Variants in CEMIP2 observed in about 807,000 individuals in gnomAD.
CEMIP2 encodes cell migration inducing hyaluronidase 2.
In CEMIP2, 79 loss-of-function variants were observed where a neutral mutation model predicts 146.9. That is an observed-to-expected ratio of 0.54 (90% CI 0.45 to 0.65). The LOEUF is 0.65. CEMIP2 is among the 30% of genes least tolerant of loss of function. The pLI is 0.00. For missense variants in CEMIP2, 1,596 were observed against 1,696.2 expected (o/e 0.94, Z 1.04); for synonymous variants, 601 against 606.3 (o/e 0.99, Z 0.13).
At chr9:71,695,364 TA>T (rs1441654262) in intron 20 of CEMIP2, among the ~76,000 whole-genome samples, 1 of 152,132 alleles carries the variant, frequency 6.6e-6, no homozygotes, top group Non-Finnish European at 1.5e-5. Context: ...AAACCAATGT[TA>T]AAAACTTCCC....
At chr9:71,744,495 T>C (rs555048404) in intron 4 of CEMIP2, among the ~76,000 whole-genome samples, 1 of 152,272 alleles carries the variant, frequency 6.6e-6, no homozygotes, top group South Asian at 2.1e-4. Flanking sequence ...CAGGGGTCCA[T>C]AGACCTGTGC....
intron 1 of CEMIP2, among the ~76,000 whole-genome samples, chr9:71,763,478 A>G (rs1824698940): frequency 6.6e-6 from 1 of 152,190 alleles, no homozygotes; most frequent in African/African-American, 2.4e-5. Flanking sequence ...CAACTCTTTC[A>G]GGCAACAACA....
At chr9:71,741,631 G>GTTTTTTTTTT (rs11334265) in intron 4 of CEMIP2, among the ~76,000 whole-genome samples, 31 of 73,166 alleles carry the variant, frequency 4.2e-4, no homozygotes, top group Non-Finnish European at 6.2e-4. Flanking sequence ...TTCTTTTCTG[G>GTTTTTTTTTT]TTTTTTTTTT....
chr9:71,741,445 C>T (rs894328924), intron 4 of CEMIP2, among the ~76,000 whole-genome samples: 1 of 151,720 alleles, frequency 6.6e-6, no homozygotes, highest in Non-Finnish European at 1.5e-5. Flanking sequence ...GATCAGCCTG[C>T]CTCGGCCTCC....
intron 1 of CEMIP2, among the ~76,000 whole-genome samples, chr9:71,762,775 C>A (rs1480606864): frequency 6.6e-6 from 1 of 152,138 alleles, no homozygotes; most frequent in East Asian, 1.9e-4. Flanking sequence ...CTTTAGGAGA[C>A]TGAGGTGGGA....
intron 12 of CEMIP2, among the ~76,000 whole-genome samples, 181 bp from the exon 13 acceptor site, chr9:71,718,260 A>C (rs983351605): frequency 1.3e-5 from 2 of 152,212 alleles, no homozygotes; most frequent in South Asian, 2.1e-4. Flanking sequence ...TTTAACCACA[A>C]GTTTCCAGAG....
chr9:71,706,383 T>G (rs1036332164), intron 17 of CEMIP2, among the ~76,000 whole-genome samples: 1 of 152,210 alleles, frequency 6.6e-6, no homozygotes, highest in Admixed American at 6.6e-5. Flanking sequence ...GAACTGGGCT[T>G]CTGGCCCAAA....
chr9:71,712,895 T>A (rs1321928625), intron 15 of CEMIP2, among the ~76,000 whole-genome samples: 1 of 152,198 alleles, frequency 6.6e-6, no homozygotes, highest in Non-Finnish European at 1.5e-5. Context: ...GAACTGGTAA[T>A]ATTCTGAATT....
At chr9:71,700,423 T>C (rs550732240) in intron 19 of CEMIP2, among the ~76,000 whole-genome samples, 2 of 152,318 alleles carry the variant, frequency 1.3e-5, no homozygotes, top group East Asian at 3.9e-4. Flanking sequence ...TTTCTCTAAA[T>C]TGCCTCAATA....
intron 5 of CEMIP2, among the ~76,000 whole-genome samples, chr9:71,737,313 G>A (rs1346672426): frequency 1.3e-5 from 2 of 151,518 alleles, no homozygotes; most frequent in Non-Finnish European, 1.5e-5. Context: ...TTAGCCAGGT[G>A]TGGTGGCACG....
rs1229101175 is a variant in CEMIP2, at chr9:71,734,904, T to C, written c.1295A>G (p.Gln432Arg). Reference protein sequence around the residue: ...DDVSSWKPGDQIVVASTDYSM... With the variant: ...DDVSSWKPGDRIVVASTDYSM... ...ATAGTCTGTGCTTGCGACCACAATCTGGTCTCCAGGTTTCCAACTACTAAC... is the reference window on the plus strand; with the variant it reads ...ATAGTCTGTGCTTGCGACCACAATCCGGTCTCCAGGTTTCCAACTACTAAC... Residue 432 changes from glutamine (Q) to arginine (R), a missense_variant, in exon 6 of 24, where the codon CAG (glutamine) becomes CGG (arginine). Physicochemically the swap from Gln to Arg is conservative, Grantham distance 43. Coordinates refer to ENST00000377044, the MANE Select transcript of CEMIP2 (RefSeq NM_013390.3). The C allele has an allele frequency of 6.2e-7, 1 of 1,613,860 alleles. No individual in the cohort carries two copies. Among genetic ancestry groups the C allele is most frequent in the Non-Finnish European group, 8.5e-7 (1 of 1,180,006 alleles).
chr9:71,737,431 G>GA (rs905862948), intron 5 of CEMIP2, among the ~76,000 whole-genome samples: 54 of 150,322 alleles, frequency 3.6e-4, no homozygotes, highest in Admixed American at 6.6e-4. Context: ...GAAAGAAAAA[G>GA]AAAAAAAATA....
rs552792828 is a variant in CEMIP2 at position 71,750,115 on chromosome 9, C to T, written c.259G>A (p.Ala87Thr). 2 of 1,613,666 alleles carry T rather than the reference C, an allele frequency of 1.2e-6. No individual in the cohort carries two copies. Among genetic ancestry groups the T allele is most frequent in the East Asian group, 2.2e-5 (1 of 44,726 alleles). ...KRHKNTFICF[A>T]ITSFSFFIAL... ...ATAAAAAATGAGAAACTAGTAATAG[C>T]AAAACAAATGAAAGTATTTTTGTGT... Residue 87 changes from alanine (A) to threonine (T), a missense_variant, in exon 2 of 24, where the codon GCT (alanine) becomes ACT (threonine). Ala to Thr is a moderately conservative substitution (Grantham distance 58). Coordinates refer to ENST00000377044, the MANE Select transcript of CEMIP2 (RefSeq NM_013390.3).
At chr9:71,736,877 T>A (rs1564017739) in intron 5 of CEMIP2, among the ~76,000 whole-genome samples, 1 of 152,130 alleles carries the variant, frequency 6.6e-6, no homozygotes, top group Non-Finnish European at 1.5e-5. Flanking sequence ...TGTGGCTACT[T>A]TAAGATGCTG....
intron 14 of CEMIP2, among the ~76,000 whole-genome samples, chr9:71,715,625 G>GATATATATAAATATAT: frequency 1.7e-5 from 2 of 119,080 alleles, no homozygotes; most frequent in South Asian, 6.0e-4. Flanking sequence ...TCCCTCTTAA[G>GATATATATAAATATAT]ATATATATAT....
At chr9:71,699,189 T>C (rs906223709) in intron 19 of CEMIP2, 1 of 177,600 alleles carries the variant, frequency 5.6e-6, no homozygotes, top group African/African-American at 2.3e-5. Flanking sequence ...CACCAGACTA[T>C]CCTTCCAAAT....
At chr9:71,762,176 C>T (rs1262247230) in intron 1 of CEMIP2, among the ~76,000 whole-genome samples, 1 of 152,116 alleles carries the variant, frequency 6.6e-6, no homozygotes, top group Non-Finnish European at 1.5e-5. Context: ...CTAAGCCAAA[C>T]AAAAGGGCCA....
At chr9:71,689,200 A>G (rs1822157056) in intron 22 of CEMIP2, among the ~76,000 whole-genome samples, 1 of 152,204 alleles carries the variant, frequency 6.6e-6, no homozygotes, top group Admixed American at 6.5e-5. Flanking sequence ...AGAACGACAT[A>G]TATACATTTA....
Position 71,745,447 on chromosome 9 carries a change from A to G in CEMIP2, c.605T>C (p.Ile202Thr). The G allele has an allele frequency of 6.2e-7, 1 of 1,614,074 alleles. No individual in the cohort carries two copies. The highest frequency in any genetic ancestry group is 1.3e-5 in the African/African-American group (1 of 75,020). The stretch of plus-strand genomic sequence containing the variant: ...TTCATCTGACTTGCCATACAAGGTA[A>G]TTGTCGCTTTGGATTTATAGCGGCA... ...EKCRYKSKAT[I>T]TLYGKSDEGE... The change falls in exon 4 of 24, where the codon ATT becomes ACT. Residue 202 changes from isoleucine to threonine, a missense_variant. Physicochemically the swap from Ile to Thr is moderately conservative, Grantham distance 89 (BLOSUM62 -1). Transcript: ENST00000377044.
Sources: allele counts gnomAD v4.1 joint callset (sites outside exome capture counted in the v4.1 genomes callset), GRCh38; gene constraint gnomAD v4.1.1; transcripts MANE v1.5; gene names NCBI Gene and HGNC (gene_info 2026-07-23, HGNC 2026-07-21).